The following PRDM1 variants were observed in gnomAD, a reference collection of about 807,000 sequenced individuals.
The protein encoded by PRDM1 is PR/SET domain 1.
Under a neutral mutation model 62.8 loss-of-function variants are expected in PRDM1, and 13 were observed. That is an observed-to-expected ratio of 0.21 (90% CI 0.13 to 0.33). The LOEUF is 0.33. PRDM1 is among the 10% of genes least tolerant of loss of function. The pLI, the probability that PRDM1 is intolerant of heterozygous loss-of-function variation, is 1.00. For missense variants in PRDM1, 895 were observed against 1,058.8 expected (o/e 0.85, Z 2.15); for synonymous variants, 396 against 417.6 (o/e 0.95, Z 0.63).
At chr6:106,008,218 A>G (rs1772504976) in intron 1 of PRDM1, among the ~76,000 whole-genome samples, 2 of 152,048 alleles carry the variant, frequency 1.3e-5, no homozygotes, top group Non-Finnish European at 2.9e-5. Flanking sequence ...TAAAAATACA[A>G]AAATATTAGC....
chr6:106,033,664 G>GT (rs919441738), intron 1 of PRDM1, among the ~76,000 whole-genome samples: 27 of 151,774 alleles, frequency 1.8e-4, no homozygotes, highest in African/African-American at 5.6e-4. Context: ...TATAGATGAG[G>GT]TTTTTTGTGT....
rs761170553 is a variant in PRDM1, at chr6:106,107,304, G to A, written c.2296G>A (p.Glu766Lys). 3 of 1,614,188 alleles carry A rather than the reference G, an allele frequency of 1.9e-6. No individual in the cohort carries two copies. Among genetic ancestry groups the A allele is most frequent in the South Asian group, 1.1e-5 (1 of 91,078 alleles). The change falls in exon 7 of 7, where the codon GAG becomes AAG. Residue 766 changes from glutamate (E) to lysine (K), a missense_variant. By Grantham distance (56) the Glu-to-Lys change is moderately conservative. Around this residue, in one of 4 missense-constraint regions of PRDM1, gnomAD observed 164 missense variants for 179.9 expected, o/e 0.91. Coordinates refer to ENST00000369096, the MANE Select transcript of PRDM1 (RefSeq NM_001198.4). ...GGAAATTCTGGCCGTGGTCAGAAAA[G>A]AGAAAGAAGAAACTGGCCTGAAAGT... ...EKEILAVVRKEKEETGLKVSL... is the reference protein window; with the variant it reads ...EKEILAVVRKKKEETGLKVSL...
At chr6:106,075,115 A>AT (rs1031005303) in intron 1 of PRDM1, among the ~76,000 whole-genome samples, 9 of 151,682 alleles carry the variant, frequency 5.9e-5, no homozygotes, top group East Asian at 1.9e-4. Flanking sequence ...TTAGGGGGGA[A>AT]TTTTTTTTTA....
intron 1 of PRDM1, among the ~76,000 whole-genome samples, chr6:106,022,443 T>C (rs1772706680): frequency 6.6e-6 from 1 of 151,534 alleles, no homozygotes; most frequent in South Asian, 2.1e-4. Flanking sequence ...TTTTTTTTTT[T>C]TTGAGGTGGA....
intron 1 of PRDM1, among the ~76,000 whole-genome samples, chr6:106,031,371 G>A (rs977140636): frequency 6.6e-6 from 1 of 152,224 alleles, no homozygotes; most frequent in African/African-American, 2.4e-5. Flanking sequence ...ATCTGCCCAG[G>A]CTTAGGGGGC....
chr6:106,036,841 T>C (rs1772931757), intron 1 of PRDM1, among the ~76,000 whole-genome samples: 1 of 151,960 alleles, frequency 6.6e-6, no homozygotes, highest in Non-Finnish European at 1.5e-5. Flanking sequence ...AGAGATGGGG[T>C]CTTGCCCAGT....
chr6:106,093,317 C>G (rs1774011675), intron 2 of PRDM1, among the ~76,000 whole-genome samples: 1 of 152,156 alleles, frequency 6.6e-6, no homozygotes, highest in Non-Finnish European at 1.5e-5. Flanking sequence ...GGAAGAAGAA[C>G]CACGACCTCA....
chr6:106,032,212 G>T (rs563003044), intron 1 of PRDM1, among the ~76,000 whole-genome samples: 1 of 152,260 alleles, frequency 6.6e-6, no homozygotes, highest in Admixed American at 6.5e-5. Flanking sequence ...CACCCAGGCT[G>T]GAGTGCAGTG....
chr6:106,006,563 A>G (rs1772485883), intron 1 of PRDM1, among the ~76,000 whole-genome samples: 1 of 151,932 alleles, frequency 6.6e-6, no homozygotes, highest in African/African-American at 2.4e-5. Context: ...CCCAGGAGTT[A>G]TCTCCACCTC....
Position 106,105,127 on chromosome 6 carries a change from T to G in PRDM1, c.967T>G (p.Tyr323Asp), listed in dbSNP as rs2114652619. The G allele has an allele frequency of 6.2e-7, 1 of 1,613,754 alleles. No individual in the cohort carries two copies. The highest frequency in any genetic ancestry group is 1.1e-5 in the South Asian group (1 of 91,056). ...SLAYGIERPT[Y>D]ITRSPIPSST... The stretch of plus-strand genomic sequence containing the variant: ...GGCCTACGGGATCGAGAGACCCACG[T>G]ACATCACTCGCTCCCCCATTCCATC... The change falls in exon 5 of 7, where the codon TAC (tyrosine) becomes GAC (aspartate). Residue 323 changes from tyrosine (Y) to aspartate (D), a missense_variant. Physicochemically the swap from Tyr to Asp is radical, Grantham distance 160. Transcript: ENST00000369096.
intron 1 of PRDM1, among the ~76,000 whole-genome samples, chr6:106,077,092 T>A (rs529515186): frequency 1.3e-5 from 2 of 152,362 alleles, no homozygotes; most frequent in Admixed American, 6.5e-5. Flanking sequence ...AACATCTTAA[T>A]GTCTGTGGCT....
chr6:106,006,781 G>A (rs1277688352), intron 1 of PRDM1, among the ~76,000 whole-genome samples: 4 of 151,816 alleles, frequency 2.6e-5, no homozygotes, highest in Non-Finnish European at 4.4e-5. Flanking sequence ...ATATTGAACT[G>A]GAAGGCAGCC....
At chr6:106,048,509 G>A (rs1039109616), upstream of PRDM1, among the ~76,000 whole-genome samples, 11 of 152,204 alleles carry the variant, frequency 7.2e-5, no homozygotes, top group African/African-American at 2.7e-4. Context: ...GTCCATACCT[G>A]TTCTGATCAG....
intron 1 of PRDM1, among the ~76,000 whole-genome samples, chr6:105,995,999 C>G (rs1249298327): frequency 2.6e-5 from 4 of 152,226 alleles, no homozygotes; most frequent in African/African-American, 7.2e-5. Flanking sequence ...ACCCTTCTCT[C>G]TCACTCCAAA....
At chr6:106,062,529 T>C (rs192466916) in intron 1 of PRDM1, among the ~76,000 whole-genome samples, 11 of 152,290 alleles carry the variant, frequency 7.2e-5, no homozygotes, top group Non-Finnish European at 1.5e-5. Flanking sequence ...GTAATTTTAG[T>C]GGGATGTATA....
In PRDM1 at chr6:106,061,916, T is replaced by C. The variant is rs1248031528; in HGVS notation, c.-67+13202T>C. ...CAGACTTTAAAGCACCATTACAAGA[T>C]ATATTCAGGAGAGGATCTATCCTAA... On this transcript the variant is annotated intron_variant, in intron 1 of 6. Transcript: ENST00000651185. Among the ~76,000 whole-genome samples, 3 of 152,198 alleles carry C rather than the reference T, an allele frequency of 2.0e-5. No individual in the cohort carries two copies. In the East Asian group the frequency reaches 5.8e-4, roughly 29 times the overall value.
chr6:106,076,626 G>T (rs940107235), intron 1 of PRDM1, among the ~76,000 whole-genome samples: 5 of 152,104 alleles, frequency 3.3e-5, no homozygotes, highest in East Asian at 3.8e-4. Flanking sequence ...TATGAGGAAG[G>T]CATACTGCTT....
At chr6:106,082,073 T>C (rs1773703151), upstream of PRDM1, among the ~76,000 whole-genome samples, 1 of 152,240 alleles carries the variant, frequency 6.6e-6, no homozygotes, top group South Asian at 2.1e-4. Context: ...CTCATTTGTG[T>C]GGAAGCTACT....
rs1475181733 is a variant in PRDM1, at chr6:106,086,355, C to T, written c.-199C>T. 3.8e-6 allele frequency: 2 copies of T among 521,548 alleles called. No homozygotes were observed. Among genetic ancestry groups the T allele is most frequent in the African/African-American group, 2.0e-5 (1 of 50,512 alleles). The allele number at this position is 521,548 out of a possible 1,614,324, so 32.3% of individuals were successfully genotyped here. A position where few individuals can be genotyped will look rare whatever the true frequency, so the allele number is the denominator to read the frequency against. On this transcript the variant is annotated 5_prime_UTR_variant, in exon 1 of 7. Coordinates refer to ENST00000369096, the MANE Select transcript of PRDM1 (RefSeq NM_001198.4). ...ACGGTTAACACAGACAAAGTGCTGC[C>T]GTGACACTCGGCCCTCCAGTGTTGC...
Sources: gnomAD v4.1 joint callset for allele counts (sites outside exome capture counted in the v4.1 genomes callset) on GRCh38, gnomAD v4.1.1 for gene constraint, gnomAD v4.1.1 regional missense constraint, MANE v1.5 for transcripts, NCBI Gene and HGNC (gene_info 2026-07-23, HGNC 2026-07-21) for gene names.